The following PPARGC1A variants were observed in gnomAD, a reference collection of about 807,000 sequenced individuals.
PPARGC1A encodes the protein peroxisome proliferator-activated receptor gamma coactivator 1-alpha.
A neutral mutation model predicts 88.7 loss-of-function variants in PPARGC1A; 25 were observed. The observed-to-expected ratio is 0.28, with a 90% CI of 0.21 to 0.39. The LOEUF (loss-of-function observed/expected upper bound fraction) is 0.39. PPARGC1A is among the 10% of genes least tolerant of loss of function. The pLI is 1.00. For synonymous variants in PPARGC1A, 363 were observed against 355.6 expected (o/e 1.02, Z -0.24); for missense variants, 880 against 968.7 (o/e 0.91, Z 1.22).
At chr4:24,018,169 T>C in the PPARGC1A span, among the ~76,000 whole-genome samples, 2 of 152,208 alleles carry the variant, frequency 1.3e-5, no homozygotes, top group Non-Finnish European at 2.9e-5. Context: ...CAATCATGTG[T>C]CCCTTCCAAA....
chr4:24,283,429 A>G, the PPARGC1A span, among the ~76,000 whole-genome samples: 1 of 152,224 alleles, frequency 6.6e-6, no homozygotes, highest in African/African-American at 2.4e-5. Context: ...TCTAACTGGC[A>G]GCATTTGAAC....
the PPARGC1A span, among the ~76,000 whole-genome samples, chr4:24,049,230 A>ATATAAATATATATACACATATATG: frequency 1.1e-5 from 1 of 93,540 alleles, no homozygotes; most frequent in East Asian, 3.3e-4. Context: ...ATATATACAT[A>ATATAAATATATATACACATATATG]TATATAAATA....
At chr4:24,039,377 T>C in the PPARGC1A span, among the ~76,000 whole-genome samples, 1 of 152,302 alleles carries the variant, frequency 6.6e-6, no homozygotes, top group Admixed American at 6.5e-5. Flanking sequence ...TTCCCTAGTA[T>C]TTGATTTATA....
the PPARGC1A span, among the ~76,000 whole-genome samples, chr4:23,944,556 C>A: frequency 6.6e-6 from 1 of 152,174 alleles, no homozygotes; most frequent in Admixed American, 6.5e-5. Context: ...TTCCAAAACA[C>A]TGTTGATATG....
At chr4:24,203,517 T>A in the PPARGC1A span, among the ~76,000 whole-genome samples, 2 of 151,418 alleles carry the variant, frequency 1.3e-5, no homozygotes. Flanking sequence ...ACAAACTATT[T>A]GAAGAAAGTG....
At chr4:24,314,049 T>C in the PPARGC1A span, among the ~76,000 whole-genome samples, 3 of 152,206 alleles carry the variant, frequency 2.0e-5, no homozygotes, top group Non-Finnish European at 4.4e-5. Context: ...AAAAACTGCA[T>C]GTGAAAAGTG....
the PPARGC1A span, among the ~76,000 whole-genome samples, chr4:24,397,508 T>C: frequency 7.2e-5 from 11 of 152,176 alleles, no homozygotes; most frequent in Non-Finnish European, 1.0e-4. Context: ...ATGTGTTCCA[T>C]CCTAAGGAAT....
At chr4:24,070,719 T>C in the PPARGC1A span, among the ~76,000 whole-genome samples, 1 of 152,196 alleles carries the variant, frequency 6.6e-6, no homozygotes, top group Non-Finnish European at 1.5e-5. Context: ...CTACCTATTT[T>C]TGCATAGTCT....
At chr4:23,852,921 A>G (rs1214478120) in intron 2 of PPARGC1A, among the ~76,000 whole-genome samples, 1 of 152,122 alleles carries the variant, frequency 6.6e-6, no homozygotes, top group East Asian at 1.9e-4. Flanking sequence ...CTACATCATC[A>G]CTGCCCTAAA....
intron 10 of PPARGC1A, 145 bp downstream of exon 10, chr4:23,812,602 T>A (rs1441230156): frequency 1.6e-6 from 2 of 1,262,880 alleles, no homozygotes; most frequent in Non-Finnish European, 2.2e-6. Flanking sequence ...CGAAGACTTA[T>A]GGATATTTTA....
At chr4:24,235,591 C>A in the PPARGC1A span, among the ~76,000 whole-genome samples, 1 of 152,164 alleles carries the variant, frequency 6.6e-6, no homozygotes, top group African/African-American at 2.4e-5. Context: ...GCAAGAACAA[C>A]CTGGAGAGAA....
the PPARGC1A span, among the ~76,000 whole-genome samples, chr4:24,087,837 C>T: frequency 6.6e-6 from 1 of 152,160 alleles, no homozygotes; most frequent in Non-Finnish European, 1.5e-5. Flanking sequence ...GAAATTGCAT[C>T]TAGTTCATTT....
the PPARGC1A span, among the ~76,000 whole-genome samples, chr4:24,387,835 AGAAAGAGAG>A: frequency 9.6e-6 from 1 of 104,280 alleles, no homozygotes; most frequent in African/African-American, 2.8e-5. Context: ...AGAGAAAGAG[AGAAAGAGAG>A]AGAGAAAGAG....
the PPARGC1A span, among the ~76,000 whole-genome samples, chr4:24,021,339 T>A: frequency 2.6e-5 from 4 of 152,194 alleles, no homozygotes; most frequent in African/African-American, 9.6e-5. Context: ...AGCCCACGGC[T>A]AAGAAGCACA....
the PPARGC1A span, among the ~76,000 whole-genome samples, chr4:24,445,249 C>T: frequency 2.0e-5 from 3 of 152,224 alleles, no homozygotes; most frequent in African/African-American, 7.2e-5. Flanking sequence ...TGGTCACTGG[C>T]ATTCACAGGT....
At chr4:23,896,059 G>A (rs1332666220) in intron 1 of PPARGC1A, among the ~76,000 whole-genome samples, 3 of 149,486 alleles carry the variant, frequency 2.0e-5, no homozygotes, top group African/African-American at 7.4e-5. Flanking sequence ...TAGCATAATG[G>A]GAGAGTGTTC....
the PPARGC1A span, among the ~76,000 whole-genome samples, chr4:24,153,237 G>T: frequency 7.2e-5 from 11 of 152,200 alleles, no homozygotes; most frequent in East Asian, 1.9e-3. Context: ...ACCAAAAATA[G>T]CCTCGTCGAT....
the PPARGC1A span, among the ~76,000 whole-genome samples, chr4:24,213,325 C>T: frequency 6.6e-6 from 1 of 152,032 alleles, no homozygotes; most frequent in Non-Finnish European, 1.5e-5. Flanking sequence ...CACCACCCGG[C>T]CCGGCTAATT....
At chr4:24,061,417 A>G in the PPARGC1A span, among the ~76,000 whole-genome samples, 2 of 152,140 alleles carry the variant, frequency 1.3e-5, no homozygotes, top group African/African-American at 4.8e-5. Context: ...ACCACATAAA[A>G]TGCCTGGCGA....
Sources: gnomAD v4.1 joint callset for allele counts (sites outside exome capture counted in the v4.1 genomes callset) on GRCh38, gnomAD v4.1.1 for gene constraint, MANE v1.5 for transcripts, NCBI Gene and HGNC (gene_info 2026-07-23, HGNC 2026-07-21) for gene names.